Variants in CAMSAP1 observed in about 807,000 individuals in gnomAD.
CAMSAP1 encodes the protein calmodulin regulated spectrin associated protein 1, also known as calmodulin-regulated spectrin-associated protein 1.
Under a neutral mutation model 143.5 loss-of-function variants are expected in CAMSAP1, and 58 were observed. The ratio of observed to expected loss-of-function variants is 0.40; its 90% confidence interval spans 0.33 to 0.50. The LOEUF is 0.50. Among genes scored for constraint, CAMSAP1 ranks in the 20% least tolerant of loss-of-function variants. The pLI is 0.45. For synonymous variants in CAMSAP1, 945 were observed against 859.3 expected, an observed-to-expected ratio of 1.10 and a Z score of -1.74; for missense variants, 1,969 against 2,115.7, an observed-to-expected ratio of 0.93 and a Z score of 1.36.
chr9:135,893,365 C>A (rs1838349277), intron 1 of CAMSAP1, among the ~76,000 whole-genome samples: 8 of 134,578 alleles, frequency 5.9e-5, no homozygotes, highest in South Asian at 2.5e-4. Flanking sequence ...GCAGGAAAGG[C>A]AGGAAGAAAG....
rs138547852 is a variant in CAMSAP1 at position 135,879,860 on chromosome 9, A to AT, written c.585+1772dup. ...GAGTCACTGGAACGGCTGAAATCAG[A>AT]TATCTGGCCAATGAGCAGAAACTCA... On this transcript the variant is annotated intron_variant, in intron 3 of 16. Transcript: ENST00000389532. 6.0e-3 allele frequency among the ~76,000 whole-genome samples: 906 copies of AT among 151,874 alleles called. 8 individuals are homozygous for AT. Among genetic ancestry groups the AT allele is most frequent in the African/African-American group, 0.021 (863 of 41,418 alleles).
rs1834959402 is a variant in CAMSAP1 at position 135,809,363 on chromosome 9, T to C, written c.*1946A>G. 1 of 152,180 alleles carries C rather than the reference T, an allele frequency of 6.6e-6. No homozygotes were observed. The highest frequency in any genetic ancestry group is 1.9e-4 in the East Asian group (1 of 5,196). The allele number at this position is 152,180 out of a possible 1,614,324, so 9.4% of individuals were successfully genotyped here. A position where few individuals can be genotyped will look rare whatever the true frequency, so the allele number is the denominator to read the frequency against. On this transcript the variant is annotated 3_prime_UTR_variant, in exon 17 of 17. Transcript: ENST00000389532. ...CAGGATGTTCCACACACTGACTCATTCCATGGAGAAAATCCAGAATTGATT... is the reference window on the plus strand; with the variant it reads ...CAGGATGTTCCACACACTGACTCATCCCATGGAGAAAATCCAGAATTGATT...
intron 5 of CAMSAP1, among the ~76,000 whole-genome samples, chr9:135,851,810 A>G (rs1836793402): frequency 6.6e-6 from 1 of 152,212 alleles, no homozygotes; most frequent in Non-Finnish European, 1.5e-5. Context: ...GATTTCTCAC[A>G]ATTATGACAA....
At chr9:135,850,085 C>CTCTA in intron 7 of CAMSAP1, 52 bp downstream of exon 7, 3 of 1,447,050 alleles carry the variant, frequency 2.1e-6, no homozygotes, top group Non-Finnish European at 2.8e-6. Flanking sequence ...CTTTCTGATA[C>CTCTA]TCTAGGCTCT....
intron 3 of CAMSAP1, among the ~76,000 whole-genome samples, chr9:135,877,307 G>A (rs1283273462): frequency 6.6e-6 from 1 of 151,964 alleles, no homozygotes; most frequent in Non-Finnish European, 1.5e-5. Flanking sequence ...AATCCACCGT[G>A]AAGATGGCAG....
intron 7 of CAMSAP1, among the ~76,000 whole-genome samples, chr9:135,829,921 G>C (rs1030855488): frequency 6.6e-6 from 1 of 151,840 alleles, no homozygotes; most frequent in Non-Finnish European, 1.5e-5. Context: ...TACATAAATA[G>C]TTATGTATGG....
chr9:135,901,910 C>T (rs1838629651), intron 1 of CAMSAP1, among the ~76,000 whole-genome samples: 2 of 152,210 alleles, frequency 1.3e-5, no homozygotes, highest in South Asian at 2.1e-4. Flanking sequence ...TTAATCTACT[C>T]AGTACACCCG....
rs368472737 is a variant in CAMSAP1 at position 135,809,239 on chromosome 9, C to G, written c.*2070G>C. 3 of 152,260 alleles carry G rather than the reference C, an allele frequency of 2.0e-5. No individual in the cohort carries two copies. Among genetic ancestry groups the G allele is most frequent in the Admixed American group, 6.5e-5 (1 of 15,294 alleles). 9.4% of individuals were successfully genotyped at this position (152,260 alleles called of 1,614,324 possible). ...AGGGACGCTTCTGTCAATCATTAGG[C>G]GAACACTGGCCTGGGGACTTGGGAC... is the stretch of plus-strand genomic sequence containing the variant. On this transcript the variant is annotated 3_prime_UTR_variant, in exon 17 of 17. Coordinates refer to ENST00000389532, the MANE Select transcript of CAMSAP1 (RefSeq NM_015447.4).
chr9:135,895,860 A>G (rs569110310), intron 1 of CAMSAP1, among the ~76,000 whole-genome samples: 2 of 152,338 alleles, frequency 1.3e-5, no homozygotes, highest in Non-Finnish European at 2.9e-5. Flanking sequence ...TAATACCCAG[A>G]GCAGTCACTA....
intron 3 of CAMSAP1, among the ~76,000 whole-genome samples, chr9:135,869,587 G>A (rs956934855): frequency 6.6e-6 from 1 of 151,642 alleles, no homozygotes; most frequent in Non-Finnish European, 1.5e-5. Context: ...CAGCCAGTGG[G>A]AATGCAAAAT....
At chr9:135,874,855 T>C (rs1312140597) in intron 3 of CAMSAP1, among the ~76,000 whole-genome samples, 2 of 152,186 alleles carry the variant, frequency 1.3e-5, no homozygotes, top group East Asian at 1.9e-4. Context: ...ATTAATTACG[T>C]TTCTACGGAC....
At chr9:135,819,802 A>G (rs895162131) in intron 11 of CAMSAP1, among the ~76,000 whole-genome samples, 12 of 151,742 alleles carry the variant, frequency 7.9e-5, no homozygotes, top group Non-Finnish European at 1.5e-4. Context: ...AGCCAAGATC[A>G]TGCCCTTTTA....
chr9:135,884,887 T>C (rs533986241), intron 1 of CAMSAP1, among the ~76,000 whole-genome samples: 3 of 152,292 alleles, frequency 2.0e-5, no homozygotes, highest in East Asian at 1.9e-4. Context: ...GGGCCCATGT[T>C]TGTCCAAGTT....
intron 1 of CAMSAP1, among the ~76,000 whole-genome samples, chr9:135,895,460 A>G (rs1263612987): frequency 6.6e-6 from 1 of 152,182 alleles, no homozygotes; most frequent in Non-Finnish European, 1.5e-5. Context: ...CTGTCAATCA[A>G]CCACAAATTC....
intron 3 of CAMSAP1, among the ~76,000 whole-genome samples, chr9:135,867,372 TG>T (rs1169980996): frequency 6.6e-6 from 1 of 152,128 alleles, no homozygotes; most frequent in African/African-American, 2.4e-5. Flanking sequence ...AGGACGAGTG[TG>T]GCAGCTCACA....
chr9:135,852,008 C>T (rs1836799894), intron 5 of CAMSAP1, among the ~76,000 whole-genome samples: 1 of 152,230 alleles, frequency 6.6e-6, no homozygotes, highest in African/African-American at 2.4e-5. Flanking sequence ...CTTGCTCCTT[C>T]CCACCTGCAC....
chr9:135,866,326 C>G (rs1306803542), intron 4 of CAMSAP1, 130 bp downstream of exon 4: 14 of 616,994 alleles, frequency 2.3e-5, no homozygotes, highest in Non-Finnish European at 4.1e-5. Flanking sequence ...CCAGGTGAAT[C>G]CAAGAGACTA....
intron 3 of CAMSAP1, among the ~76,000 whole-genome samples, chr9:135,867,263 A>G: frequency 6.6e-6 from 1 of 152,090 alleles, no homozygotes; most frequent in East Asian, 1.9e-4. Flanking sequence ...GACAAAAAAA[A>G]TATAGATAAT....
chr9:135,852,169 C>T (rs993174904), intron 5 of CAMSAP1, among the ~76,000 whole-genome samples: 2 of 152,134 alleles, frequency 1.3e-5, no homozygotes, highest in Non-Finnish European at 2.9e-5. Flanking sequence ...TCCATATCTG[C>T]CTTGGGCTGT....
Sources: allele counts gnomAD v4.1 joint callset (sites outside exome capture counted in the v4.1 genomes callset), GRCh38; gene constraint gnomAD v4.1.1; transcripts MANE v1.5; gene names NCBI Gene and HGNC (gene_info 2026-07-23, HGNC 2026-07-21).